Variants in CYP2C18 observed in about 807,000 individuals in gnomAD.
The protein encoded by CYP2C18 is cytochrome P450 2C18.
A neutral mutation model predicts 41.3 loss-of-function variants in CYP2C18; 38 were observed. The observed-to-expected ratio is 0.92, with a 90% CI of 0.71 to 1.21. CYP2C18 has a LOEUF of 1.21. Ranked by LOEUF, CYP2C18 falls within the 50% of genes most tolerant of loss-of-function variation. The probability of loss-of-function intolerance (pLI) is 0.00; values close to 1 mark genes in which losing one functional copy is unlikely to be tolerated. For synonymous variants in CYP2C18, 236 were observed against 210.0 expected, an observed-to-expected ratio of 1.12 and a Z score of -1.07; for missense variants, 635 against 591.4, an observed-to-expected ratio of 1.07 and a Z score of -0.77.
At chr10:94,695,272 C>T (rs1194340743) in intron 4 of CYP2C18, among the ~76,000 whole-genome samples, 195 bp downstream of exon 4, 1 of 152,068 alleles carries the variant, frequency 6.6e-6, no homozygotes, top group Non-Finnish European at 1.5e-5. Flanking sequence ...AGGTATTTCT[C>T]CTAATGCTAT....
At chr10:94,686,635 C>T (rs1219066549) in intron 1 of CYP2C18, among the ~76,000 whole-genome samples, 2 of 152,164 alleles carry the variant, frequency 1.3e-5, no homozygotes, top group Admixed American at 1.3e-4. Context: ...TAGGAACATT[C>T]CTCAGCATTC....
At chr10:94,731,863 C>A (rs953592821) in intron 7 of CYP2C18, among the ~76,000 whole-genome samples, 3 of 151,864 alleles carry the variant, frequency 2.0e-5, no homozygotes, top group African/African-American at 7.3e-5. Flanking sequence ...ATAAGAATTG[C>A]AAAAGAAATA....
At position 94,724,440 on chromosome 10, in the gene CYP2C18, G is replaced by A; in HGVS notation, c.1056G>A (p.Val352=). 3.1e-6 allele frequency: 5 copies of A among 1,613,554 alleles called. No individual in the cohort carries two copies. Among genetic ancestry groups the A allele is most frequent in the Non-Finnish European group, 4.2e-6 (5 of 1,179,714 alleles). The stretch of plus-strand genomic sequence containing the variant: ...ACATGCCCTACACAGATGCTGTGGT[G>A]CACGAGATCCAGAGATACATTGACC... ...RSHMPYTDAV[V]HEIQRYIDLL... is the part of the protein sequence containing the mutation. The change falls in exon 7 of 9, where the codon GTG becomes GTA. Residue 352 remains valine (V), a synonymous_variant. Transcript: ENST00000285979.
At chr10:94,717,890 C>G (rs1847581158) in intron 5 of CYP2C18, among the ~76,000 whole-genome samples, 1 of 151,874 alleles carries the variant, frequency 6.6e-6, no homozygotes, top group Non-Finnish European at 1.5e-5. Flanking sequence ...TAATGTGATG[C>G]CTCCAGCTTT....
In CYP2C18 at chr10:94,686,106, C is replaced by A. The variant is rs139083463; in HGVS notation, c.169-1664C>A. Among the ~76,000 whole-genome samples, 512 of 152,102 alleles carry A rather than the reference C, an allele frequency of 3.4e-3. 2 individuals carry two copies. The highest frequency in any genetic ancestry group is 0.012 in the African/African-American group (496 of 41,530). On this transcript the variant is annotated intron_variant, in intron 1 of 8. Coordinates refer to ENST00000285979, the MANE Select transcript of CYP2C18 (RefSeq NM_000772.3). Reference sequence around the variant, plus strand: ...TAGTTTTCAGTATATAGATCTTTCTCTTCCTTGATTAAATTTATTCATAAG... The same window carrying A: ...TAGTTTTCAGTATATAGATCTTTCTATTCCTTGATTAAATTTATTCATAAG...
chr10:94,686,614 G>A (rs1022891366), intron 1 of CYP2C18, among the ~76,000 whole-genome samples: 1 of 152,174 alleles, frequency 6.6e-6, no homozygotes, highest in African/African-American at 2.4e-5. Context: ...GTTATTAAAG[G>A]TTATATGTTA....
At chr10:94,716,862 C>T (rs936109659) in intron 5 of CYP2C18, among the ~76,000 whole-genome samples, 16 of 152,124 alleles carry the variant, frequency 1.1e-4, no homozygotes, top group Non-Finnish European at 2.1e-4. Context: ...AATCTGGGTG[C>T]TCCTGTATTG....
At chr10:94,734,426 G>A (rs1312163773) in intron 8 of CYP2C18, among the ~76,000 whole-genome samples, 6 of 152,102 alleles carry the variant, frequency 3.9e-5, no homozygotes, top group Admixed American at 3.3e-4. Context: ...AGATAGAAAA[G>A]TAAATACACA....
chr10:94,733,329 G>C lies in CYP2C18; in HGVS notation c.1182G>C (p.Val394=), dbSNP rs1320559478. 2.0e-5 allele frequency: 32 copies of C among 1,613,126 alleles called. No homozygotes were observed. The highest frequency in any genetic ancestry group is 3.3e-5 in the Admixed American group (2 of 59,916). Residue 394 remains valine, a synonymous_variant, in exon 8 of 9, where the codon GTG becomes GTC. Transcript: ENST00000285979. ...CCATAATAACATCCCTGACTTCTGT[G>C]CTGCACAATGACAAAGAATTCCCCA... ...GTTIITSLTS[V]LHNDKEFPNP...
intron 5 of CYP2C18, among the ~76,000 whole-genome samples, chr10:94,710,624 T>G (rs1400270423): frequency 1.3e-5 from 2 of 152,210 alleles, no homozygotes; most frequent in Admixed American, 6.5e-5. Context: ...TTTTTCAAAT[T>G]CACTTAAACA....
intron 7 of CYP2C18, among the ~76,000 whole-genome samples, chr10:94,732,700 C>T (rs750765342): frequency 1.3e-4 from 19 of 151,586 alleles, no homozygotes; most frequent in Admixed American, 6.6e-5. Context: ...AGTGAATTAA[C>T]GCAGGAACAG....
At chr10:94,712,398 T>G (rs1316496307) in intron 5 of CYP2C18, among the ~76,000 whole-genome samples, 2 of 150,836 alleles carry the variant, frequency 1.3e-5, no homozygotes, top group African/African-American at 4.9e-5. Context: ...CTTCTATGAG[T>G]TCGGTTGTTT....
chr10:94,688,401 T>C, intron 3 of CYP2C18, 127 bp downstream of exon 3: 1 of 1,155,000 alleles, frequency 8.7e-7, no homozygotes, highest in Non-Finnish European at 1.2e-6. Context: ...GCACAGAATG[T>C]GTAATGATCA....
At position 94,706,895 on chromosome 10, in the gene CYP2C18, C is replaced by A; in HGVS notation, c.754C>A (p.Gln252Lys). 1 of 1,612,656 alleles carries A rather than the reference C, an allele frequency of 6.2e-7. No individual in the cohort carries two copies. The change falls in exon 5 of 9, where the codon CAA becomes AAA. Residue 252 changes from glutamine to lysine, a missense_variant. Transcript: ENST00000285979. ...SYVLERIKEH[Q>K]ESLDMNSARD... ...TGTATTGGAGAGAATAAAAGAACAT[C>A]AAGAATCCCTGGACATGAACAGTGC... is the stretch of plus-strand genomic sequence containing the variant.
At chr10:94,698,483 G>A (rs895705721) in intron 4 of CYP2C18, among the ~76,000 whole-genome samples, 3 of 152,212 alleles carry the variant, frequency 2.0e-5, no homozygotes, top group African/African-American at 7.2e-5. Flanking sequence ...TCAAAGCAGT[G>A]TGTAGAGGGA....
chr10:94,720,307 C>A, intron 5 of CYP2C18, 89 bp from the exon 6 acceptor site: 1 of 1,204,360 alleles, frequency 8.3e-7, no homozygotes, highest in East Asian at 2.5e-5. Flanking sequence ...ACTTCCTTAT[C>A]TTTAGAACAA....
rs182329469 is a variant in CYP2C18, at chr10:94,693,703, A to C, written c.482-1214A>C. On this transcript the variant is annotated intron_variant, in intron 3 of 8. Coordinates refer to ENST00000285979, the MANE Select transcript of CYP2C18 (RefSeq NM_000772.3). Reference sequence around the variant, plus strand: ...CATCCCTTGGCATGTTTCAGCTGAAAAGAAGCCTGGCATAGGAGCAGTTAA... The same window carrying C: ...CATCCCTTGGCATGTTTCAGCTGAACAGAAGCCTGGCATAGGAGCAGTTAA... Among the ~76,000 whole-genome samples the C allele has an allele frequency of 7.9e-5, 12 of 152,302 alleles. No individual in the cohort carries two copies. In the East Asian group the frequency reaches 2.3e-3, roughly 29 times the overall value.
chr10:94,706,938 G>T lies in CYP2C18; in HGVS notation c.797G>T (p.Cys266Phe), dbSNP rs1307971914. 1.2e-6 allele frequency: 2 copies of T among 1,607,912 alleles called. No homozygotes were observed. Among genetic ancestry groups the T allele is most frequent in the South Asian group, 1.1e-5 (1 of 89,766 alleles). Reference protein sequence around the residue: ...DMNSARDFIDCFLIKMEQEKH... With the variant: ...DMNSARDFIDFFLIKMEQEKH... ...AACAGTGCTCGGGACTTTATTGATT[G>T]TTTCCTGATCAAAATGGAACAGGTA... is the stretch of plus-strand genomic sequence containing the variant. Residue 266 changes from cysteine (C) to phenylalanine (F), a missense_variant, in exon 5 of 9, where the codon TGT becomes TTT. By Grantham distance (205) the Cys-to-Phe change is radical. Coordinates refer to ENST00000285979, the MANE Select transcript of CYP2C18 (RefSeq NM_000772.3).
At chr10:94,717,742 C>A (rs1199869867) in intron 5 of CYP2C18, among the ~76,000 whole-genome samples, 2 of 152,020 alleles carry the variant, frequency 1.3e-5, no homozygotes, top group Non-Finnish European at 2.9e-5. Flanking sequence ...ATTCTTGGTA[C>A]CTTTGTCTAA....
Sources: allele counts gnomAD v4.1 joint callset (sites outside exome capture counted in the v4.1 genomes callset), GRCh38; gene constraint gnomAD v4.1.1; transcripts MANE v1.5; gene names NCBI Gene and HGNC (gene_info 2026-07-23, HGNC 2026-07-21).